The following GPC5 variants were observed in gnomAD, a reference collection of about 807,000 sequenced individuals.
The protein encoded by GPC5 is glypican-5.
GPC5 carries 47 observed loss-of-function variants against 53.9 expected under a neutral mutation model. The observed-to-expected ratio is 0.87, with a 90% confidence interval of 0.69 to 1.11. The LOEUF (loss-of-function observed/expected upper bound fraction) is 1.11, where lower values mean the gene tolerates loss of function less well. GPC5 is among the 50% of genes most tolerant of loss of function. The probability of loss-of-function intolerance (pLI) is 0.00; values close to 1 mark genes in which losing one functional copy is unlikely to be tolerated. For missense variants in GPC5, 748 were observed against 713.1 expected, an observed-to-expected ratio of 1.05 and a Z score of -0.56; for synonymous variants, 286 against 263.3, an observed-to-expected ratio of 1.09 and a Z score of -0.84.
intron 5 of GPC5, among the ~76,000 whole-genome samples, chr13:91,818,021 A>T (rs1203743648): frequency 6.6e-6 from 1 of 152,122 alleles, no homozygotes; most frequent in Admixed American, 6.5e-5. Flanking sequence ...AGTAAGGAAA[A>T]TTTCACCTAA....
chr13:91,822,409 G>A (rs1466210201), intron 5 of GPC5, among the ~76,000 whole-genome samples: 1 of 152,202 alleles, frequency 6.6e-6, no homozygotes, highest in Non-Finnish European at 1.5e-5. Context: ...AGATCAGGAT[G>A]AGATAAGAAA....
At chr13:92,419,120 G>T (rs1204711780) in intron 7 of GPC5, among the ~76,000 whole-genome samples, 1 of 152,144 alleles carries the variant, frequency 6.6e-6, no homozygotes, top group Non-Finnish European at 1.5e-5. Flanking sequence ...ATGCATATAA[G>T]CTGCAGAAAC....
intron 7 of GPC5, among the ~76,000 whole-genome samples, chr13:92,802,895 C>A (rs1428416168): frequency 6.6e-6 from 1 of 151,922 alleles, no homozygotes; most frequent in South Asian, 2.1e-4. Flanking sequence ...TTTCACAGAA[C>A]TGACAAAATG....
intron 7 of GPC5, among the ~76,000 whole-genome samples, chr13:92,696,544 G>C (rs1887563386): frequency 6.6e-6 from 1 of 151,280 alleles, no homozygotes; most frequent in African/African-American, 2.4e-5. Context: ...TGATGGGGTT[G>C]TTTGTTTTTT....
intron 7 of GPC5, among the ~76,000 whole-genome samples, chr13:92,612,892 AATAAC>A (rs1399341402): frequency 6.6e-6 from 1 of 152,108 alleles, no homozygotes. Flanking sequence ...CTATAATAAA[AATAAC>A]ATAACAAATG....
chr13:91,886,444 G>A (rs981929015), intron 5 of GPC5, among the ~76,000 whole-genome samples: 1 of 152,154 alleles, frequency 6.6e-6, no homozygotes, highest in Admixed American at 6.5e-5. Flanking sequence ...TGAATCTCAT[G>A]TTTTCACATT....
At chr13:92,789,077 T>C (rs1876365824) in intron 7 of GPC5, among the ~76,000 whole-genome samples, 1 of 152,172 alleles carries the variant, frequency 6.6e-6, no homozygotes, top group Non-Finnish European at 1.5e-5. Context: ...TCAATATGGA[T>C]CCTGCTTTGG....
At chr13:92,223,529 A>C (rs1195728932) in intron 7 of GPC5, among the ~76,000 whole-genome samples, 1 of 152,144 alleles carries the variant, frequency 6.6e-6, no homozygotes, top group African/African-American at 2.4e-5. Context: ...GTTTGCAAAA[A>C]TACAACTTCT....
chr13:91,892,722 G>T (rs1161052825), intron 5 of GPC5, among the ~76,000 whole-genome samples: 1 of 151,728 alleles, frequency 6.6e-6, no homozygotes, highest in East Asian at 1.9e-4. Context: ...AATATAGGAA[G>T]CCAGTAACAA....
intron 6 of GPC5, among the ~76,000 whole-genome samples, chr13:92,084,998 G>A (rs935998944): frequency 3.3e-5 from 5 of 152,306 alleles, no homozygotes; most frequent in South Asian, 2.1e-4. Context: ...CATAGATGGC[G>A]ACTTCTGTGT....
At chr13:92,365,452 G>A (rs919893543) in intron 7 of GPC5, among the ~76,000 whole-genome samples, 1 of 151,520 alleles carries the variant, frequency 6.6e-6, no homozygotes, top group African/African-American at 2.4e-5. Context: ...CACTACACTA[G>A]ACTTTTAAAA....
chr13:91,902,442 A>G (rs2039506846), intron 5 of GPC5, among the ~76,000 whole-genome samples: 1 of 152,102 alleles, frequency 6.6e-6, no homozygotes, highest in Non-Finnish European at 1.5e-5. Flanking sequence ...AAAAACAAGT[A>G]GTGCTTGGGG....
intron 2 of GPC5, among the ~76,000 whole-genome samples, chr13:91,658,478 A>G (rs903463418): frequency 2.0e-5 from 3 of 152,158 alleles, no homozygotes; most frequent in Non-Finnish European, 2.9e-5. Context: ...AATTCACATA[A>G]TTGATTCCAA....
intron 7 of GPC5, among the ~76,000 whole-genome samples, chr13:92,846,122 C>CT (rs1752604971): frequency 6.6e-6 from 1 of 152,012 alleles, no homozygotes; most frequent in Admixed American, 6.6e-5. Flanking sequence ...AACTTATAAT[C>CT]ATAGGAGAAG....
chr13:91,481,444 CT>C (rs1883293455), intron 2 of GPC5, among the ~76,000 whole-genome samples: 1 of 152,138 alleles, frequency 6.6e-6, no homozygotes, highest in Admixed American at 6.5e-5. Context: ...TCCCTATGAC[CT>C]GCTAAACTCT....
chr13:92,505,205 A>T (rs551418206), intron 7 of GPC5, among the ~76,000 whole-genome samples: 1 of 151,918 alleles, frequency 6.6e-6, no homozygotes, highest in South Asian at 2.1e-4. Flanking sequence ...AAAGAGCAAA[A>T]ATATGTTCAA....
chr13:92,016,639 A>G (rs2040709650), intron 6 of GPC5, among the ~76,000 whole-genome samples: 1 of 152,168 alleles, frequency 6.6e-6, no homozygotes, highest in Non-Finnish European at 1.5e-5. Flanking sequence ...GGCTCTTTGA[A>G]TGTGGTTTCA....
intron 6 of GPC5, among the ~76,000 whole-genome samples, chr13:91,977,697 G>A (rs78700970): frequency 0.024 from 3,607 of 152,172 alleles, 144 homozygotes; most frequent in African/African-American, 0.083. Context: ...CCATAAAAGT[G>A]GTCATAGCCA....
intron 6 of GPC5, among the ~76,000 whole-genome samples, chr13:91,974,426 G>C (rs1263989190): frequency 6.6e-6 from 1 of 151,948 alleles, no homozygotes; most frequent in East Asian, 1.9e-4. Context: ...CAAAGTCTCA[G>C]GATACAAAAT....
Sources: allele counts gnomAD v4.1 joint callset (sites outside exome capture counted in the v4.1 genomes callset), GRCh38; gene constraint gnomAD v4.1.1; transcripts MANE v1.5; gene names NCBI Gene and HGNC (gene_info 2026-07-23, HGNC 2026-07-21).